The following SYBU variants were observed in gnomAD, a reference collection of about 807,000 sequenced individuals.
SYBU encodes the protein GOLSYN A protein.
A neutral mutation model predicts 35.9 loss-of-function variants in SYBU; 21 were observed. The ratio of observed to expected loss-of-function variants is 0.58; its 90% CI spans 0.41 to 0.84. The LOEUF (loss-of-function observed/expected upper bound fraction) is 0.84, where lower values mean the gene tolerates loss of function less well. SYBU is among the 40% of genes least tolerant of loss of function. The pLI, the probability that SYBU is intolerant of heterozygous loss-of-function variation, is 0.00. For missense variants in SYBU, 768 were observed against 848.2 expected (o/e 0.91, Z 1.17); for synonymous variants, 319 against 324.3 (o/e 0.98, Z 0.18).
chr8:109,689,828 A>G (rs1817602999), intron 1 of SYBU, among the ~76,000 whole-genome samples: 1 of 120,942 alleles, frequency 8.3e-6, no homozygotes, highest in Non-Finnish European at 1.7e-5. Context: ...TGTTACTACA[A>G]TATGAAAAAA....
chr8:109,691,324 C>G lies in SYBU; in HGVS notation c.-58+9G>C, dbSNP rs1013312211. 2 of 701,422 alleles carry G rather than the reference C, an allele frequency of 2.9e-6. No homozygotes were observed. The highest frequency in any genetic ancestry group is 5.2e-6 in the Non-Finnish European group (2 of 384,478). The allele number at this position is 701,422 out of a possible 1,614,324, so 43.4% of individuals were successfully genotyped here. A position where few individuals can be genotyped will look rare whatever the true frequency, so the allele number is the denominator to read the frequency against. ...GACAGCAGAGACCGCATAGGCGCCCCGGTCTTACCCTTTCTCGCCCAGAAG... is the reference window on the plus strand; with the variant it reads ...GACAGCAGAGACCGCATAGGCGCCCGGGTCTTACCCTTTCTCGCCCAGAAG... On this transcript the variant is annotated intron_variant, in intron 1 of 7. Coordinates refer to the SYBU transcript ENST00000422135. The surrounding 1 kb of genome is among the most constrained non-coding windows in gnomAD (Gnocchi z 4.7).
chr8:109,634,157 A>T (rs1364463266), intron 2 of SYBU, among the ~76,000 whole-genome samples: 6 of 151,990 alleles, frequency 3.9e-5, no homozygotes, highest in Non-Finnish European at 5.9e-5. Flanking sequence ...AGCTTTTAAG[A>T]CTCTGCTTTT....
intron 1 of SYBU, among the ~76,000 whole-genome samples, chr8:109,676,827 A>T (rs1006895233): frequency 6.6e-6 from 1 of 152,226 alleles, no homozygotes; most frequent in Non-Finnish European, 1.5e-5. Flanking sequence ...TGGACATGGC[A>T]CCCAAGAGGG....
In SYBU at chr8:109,644,494, C is replaced by T. The variant is rs1207499597; in HGVS notation, c.24+142G>A. On this transcript the variant is annotated intron_variant, in intron 1 of 6. Coordinates refer to ENST00000276646, the MANE Select transcript of SYBU (RefSeq NM_001099754.2). ...TCAACTCCTAAGCAATGCCTCCTGC[C>T]TTCTCCAGACCCCACCACCACCTCC... 28 of 981,496 alleles carry T rather than the reference C, an allele frequency of 2.9e-5. No individual in the cohort carries two copies. The East Asian group carries it at 6.9e-4, about 24-fold the overall frequency. 60.8% of individuals were successfully genotyped at this position (981,496 alleles called of 1,614,324 possible).
intron 1 of SYBU, among the ~76,000 whole-genome samples, chr8:109,656,565 T>C (rs76336187): frequency 0.094 from 14,356 of 152,260 alleles, 773 homozygotes; most frequent in South Asian, 0.23. Flanking sequence ...CAAACAATAA[T>C]TGGGCAGGTT....
At chr8:109,640,917 G>A (rs541039483) in intron 2 of SYBU, among the ~76,000 whole-genome samples, 1 of 151,396 alleles carries the variant, frequency 6.6e-6, no homozygotes, top group Admixed American at 6.6e-5. Context: ...TAAATCCAAA[G>A]CTGCATTTAT....
At chr8:109,645,263 G>C (rs1815531594), upstream of SYBU, 2 of 456,666 alleles carry the variant, frequency 4.4e-6, no homozygotes, top group Non-Finnish European at 8.8e-6. Context: ...TGCCTCGCCC[G>C]AGAGCTGCAG....
At chr8:109,686,430 G>A (rs114049101) in intron 1 of SYBU, among the ~76,000 whole-genome samples, 2,112 of 152,176 alleles carry the variant, frequency 0.014, 51 homozygotes, top group African/African-American at 0.048. Context: ...TAAAAGACAC[G>A]CATCAATGTG....
At chr8:109,589,586 T>C (rs762116852) in intron 3 of SYBU, among the ~76,000 whole-genome samples, 2 of 152,254 alleles carry the variant, frequency 1.3e-5, no homozygotes. Flanking sequence ...CCAGAAGTTC[T>C]GGCAGTTTTT....
At chr8:109,622,746 A>C (rs1225264371) in intron 2 of SYBU, among the ~76,000 whole-genome samples, 8 of 152,158 alleles carry the variant, frequency 5.3e-5, no homozygotes, top group Non-Finnish European at 1.0e-4. Flanking sequence ...AGATTTATAT[A>C]TTTTTAGCTT....
At chr8:109,688,518 C>A (rs1011250033) in intron 1 of SYBU, among the ~76,000 whole-genome samples, 1 of 152,156 alleles carries the variant, frequency 6.6e-6, no homozygotes, top group African/African-American at 2.4e-5. Context: ...AAAGAAAAAA[C>A]ACCCTGATGT....
At position 109,592,869 on chromosome 8, in the gene SYBU, C is replaced by A. The variant is rs529252761; in HGVS notation, c.428-6707G>T. 2.7e-4 allele frequency among the ~76,000 whole-genome samples: 41 copies of A among 152,260 alleles called. 1 individual carries two copies. Among genetic ancestry groups the A allele is most frequent in the African/African-American group, 9.1e-4 (38 of 41,534 alleles). ...ATTTATTTAGCAAAAAGTTATTGAG[C>A]ACCTGCCATGTGTCAAATCCTGTTT... On this transcript the variant is annotated intron_variant, in intron 3 of 6. Coordinates refer to ENST00000276646, the MANE Select transcript of SYBU (RefSeq NM_001099754.2).
chr8:109,624,780 C>A (rs914924011), intron 2 of SYBU, among the ~76,000 whole-genome samples: 2 of 151,174 alleles, frequency 1.3e-5, no homozygotes, highest in African/African-American at 2.5e-5. Context: ...TAGAGATTGG[C>A]AAACTGCAGC....
At chr8:109,643,865 A>G (rs1479423528) in intron 1 of SYBU, among the ~76,000 whole-genome samples, 2 of 152,194 alleles carry the variant, frequency 1.3e-5, no homozygotes, top group African/African-American at 4.8e-5. Flanking sequence ...CCAGAAGTAG[A>G]ACGAAATTCA....
chr8:109,579,060 AG>A (rs1057325570), intron 5 of SYBU, among the ~76,000 whole-genome samples: 1 of 152,064 alleles, frequency 6.6e-6, no homozygotes, highest in African/African-American at 2.4e-5. Flanking sequence ...TGACGAGAAT[AG>A]GGATGCCCAG....
intron 3 of SYBU, among the ~76,000 whole-genome samples, chr8:109,592,363 G>A (rs1309268550): frequency 1.3e-5 from 2 of 152,142 alleles, no homozygotes; most frequent in East Asian, 3.9e-4. Flanking sequence ...GATTCTAAAA[G>A]AGACTCCCCA....
At position 109,575,278 on chromosome 8, in the gene SYBU, C is replaced by G; in HGVS notation, c.1620G>C (p.Val540=). The change falls in exon 7 of 7, where the codon GTG becomes GTC. Residue 540 remains valine, a synonymous_variant. Coordinates refer to ENST00000276646, the MANE Select transcript of SYBU (RefSeq NM_001099754.2). ...ESFPESLSAL[V]VDLTPRNPNS... Reference sequence around the variant, plus strand: ...TTGGATTTCTTGGAGTTAAATCAACCACTAAGGCAGAGAGGGACTCTGGGA... The same window carrying G: ...TTGGATTTCTTGGAGTTAAATCAACGACTAAGGCAGAGAGGGACTCTGGGA... 6.2e-7 allele frequency: 1 copy of G among 1,614,182 alleles called. No individual in the cohort carries two copies. Among genetic ancestry groups the G allele is most frequent in the Non-Finnish European group, 8.5e-7 (1 of 1,180,026 alleles).
chr8:109,672,320 A>G (rs1000739359), intron 1 of SYBU, among the ~76,000 whole-genome samples: 4 of 152,172 alleles, frequency 2.6e-5, no homozygotes, highest in African/African-American at 7.2e-5. Flanking sequence ...TGCATTTCCA[A>G]CTGAGGTACC....
chr8:109,640,031 G>A (rs1405576741), intron 2 of SYBU, among the ~76,000 whole-genome samples: 1 of 152,182 alleles, frequency 6.6e-6, no homozygotes, highest in Non-Finnish European at 1.5e-5. Context: ...GACAGCACAG[G>A]AAGATGAAGA....
Sources: allele counts gnomAD v4.1 joint callset (sites outside exome capture counted in the v4.1 genomes callset), GRCh38; gene constraint gnomAD v4.1.1; non-coding constraint Gnocchi (gnomAD v3.1); transcripts MANE v1.5; gene names NCBI Gene and HGNC (gene_info 2026-07-23, HGNC 2026-07-21).